The following TRIM5 variants were observed in gnomAD, a reference collection of about 807,000 sequenced individuals.
TRIM5 encodes tripartite motif-containing protein 5.
In TRIM5, 31 loss-of-function variants were observed where a neutral mutation model predicts 35.6. That is an observed-to-expected ratio of 0.87 (90% confidence interval 0.65 to 1.18). The LOEUF is 1.18. Ranked by LOEUF, TRIM5 falls within the 50% of genes most tolerant of loss-of-function variation. The probability of loss-of-function intolerance (pLI) is 0.00; values close to 1 mark genes in which losing one functional copy is unlikely to be tolerated. For missense variants in TRIM5, 609 were observed against 591.6 expected, an observed-to-expected ratio of 1.03 and a Z score of -0.31; for synonymous variants, 243 against 215.6, an observed-to-expected ratio of 1.13 and a Z score of -1.11.
intron 1 of TRIM5, chr11:5,684,269 TC>T (rs1247609033): frequency 2.0e-5 from 3 of 152,442 alleles, no homozygotes; most frequent in Non-Finnish European, 4.4e-5. Context: ...CGTACTCAGT[TC>T]TTTTAAAGCC....
the TRIM5 span, chr11:5,645,878 A>T: frequency 5.5e-3 from 822 of 149,344 alleles, 5 homozygotes; most frequent in Admixed American, 8.1e-3. Flanking sequence ...AAAAAAAAAA[A>T]AAATATATAT....
chr11:5,638,642 G>A, the TRIM5 span, among the ~76,000 whole-genome samples: 1 of 152,224 alleles, frequency 6.6e-6, no homozygotes, highest in African/African-American at 2.4e-5. Context: ...GGGACTGAGT[G>A]AATATTGATA....
At chr11:5,628,475 A>T in the TRIM5 span, among the ~76,000 whole-genome samples, 6 of 152,184 alleles carry the variant, frequency 3.9e-5, no homozygotes, top group Non-Finnish European at 8.8e-5. Flanking sequence ...TAGTATCTGT[A>T]CCATTGGCTG....
chr11:5,647,875 G>A, the TRIM5 span, among the ~76,000 whole-genome samples: 1 of 152,092 alleles, frequency 6.6e-6, no homozygotes. Flanking sequence ...CAATGGTGAT[G>A]TCACGGGGGT....
the TRIM5 span, among the ~76,000 whole-genome samples, chr11:5,620,873 A>G: frequency 6.6e-6 from 1 of 152,222 alleles, no homozygotes; most frequent in Non-Finnish European, 1.5e-5. Flanking sequence ...GTGTTCACAT[A>G]GTATATATGG....
chr11:5,671,321 A>G (rs2342388), intron 4 of TRIM5, among the ~76,000 whole-genome samples: 4,467 of 151,534 alleles, frequency 0.029, 145 homozygotes, highest in African/African-American at 0.08. Flanking sequence ...AAAACACAAA[A>G]AAACCCCACA....
At chr11:5,667,060 T>C (rs897315475) in intron 5 of TRIM5, among the ~76,000 whole-genome samples, 20 of 152,096 alleles carry the variant, frequency 1.3e-4, no homozygotes, top group African/African-American at 4.6e-4. Context: ...GAACTAGATG[T>C]AGGTAATAAA....
chr11:5,595,259 T>C, the TRIM5 span: 1 of 152,212 alleles, frequency 6.6e-6, no homozygotes. Flanking sequence ...GGAGGAACTT[T>C]GACATTCTTT....
At position 5,666,737 on chromosome 11, in the gene TRIM5, C is replaced by T. The variant is rs140174112; in HGVS notation, c.768-656G>A. ...GGTTAGAAAGAACTTGATACCACCA[C>T]GTAGGTGTGCGAGGTGTGCGATTTT... On this transcript the variant is annotated intron_variant, in intron 5 of 7. Coordinates refer to ENST00000380034, the MANE Select transcript of TRIM5 (RefSeq NM_033034.3). 9.3e-4 allele frequency among the ~76,000 whole-genome samples: 141 copies of T among 152,312 alleles called. 3 individuals carry two copies. The East Asian group carries it at 0.026, about 28-fold the overall frequency.
At chr11:5,677,697 G>A (rs1265093582) in intron 4 of TRIM5, among the ~76,000 whole-genome samples, 1 of 152,148 alleles carries the variant, frequency 6.6e-6, no homozygotes, top group Non-Finnish European at 1.5e-5. Flanking sequence ...CCAAAGTGCT[G>A]GGATTACAGG....
chr11:5,647,553 C>A, the TRIM5 span, among the ~76,000 whole-genome samples: 1 of 152,236 alleles, frequency 6.6e-6, no homozygotes, highest in Non-Finnish European at 1.5e-5. Context: ...GACAAAGTCT[C>A]ACTCTGTTAC....
At chr11:5,603,811 C>T in the TRIM5 span, 1 of 1,544,968 alleles carries the variant, frequency 6.5e-7, no homozygotes, top group Admixed American at 2.0e-5. Context: ...ATGCTCTGAT[C>T]TAATCTCTTT....
the TRIM5 span, among the ~76,000 whole-genome samples, chr11:5,655,985 C>T: frequency 5.7e-4 from 86 of 152,192 alleles, no homozygotes; most frequent in African/African-American, 2.0e-3. Context: ...CTTCCTTACA[C>T]CTTATAGAAA....
chr11:5,593,517 A>G, the TRIM5 span, among the ~76,000 whole-genome samples: 19 of 151,948 alleles, frequency 1.3e-4, no homozygotes, highest in African/African-American at 3.9e-4. Context: ...CAGAAAATCT[A>G]TCTCCTGAGT....
the TRIM5 span, among the ~76,000 whole-genome samples, chr11:5,617,198 A>T: frequency 6.9e-6 from 1 of 145,028 alleles, no homozygotes; most frequent in Non-Finnish European, 1.5e-5. Flanking sequence ...AGGGAAATGG[A>T]GTCTATTTTG....
the TRIM5 span, among the ~76,000 whole-genome samples, chr11:5,628,882 C>A: frequency 2.3e-3 from 352 of 151,856 alleles, no homozygotes; most frequent in African/African-American, 7.9e-3. Flanking sequence ...TTCTAGCAAA[C>A]CTCGGCATTC....
chr11:5,658,053 C>T, the TRIM5 span, among the ~76,000 whole-genome samples: 7 of 152,108 alleles, frequency 4.6e-5, no homozygotes, highest in African/African-American at 1.7e-4. Flanking sequence ...GGGGCCTGGG[C>T]CCACAGACTT....
the TRIM5 span, among the ~76,000 whole-genome samples, chr11:5,618,274 G>A: frequency 0.41 from 62,722 of 151,954 alleles, 13,456 homozygotes; most frequent in East Asian, 0.75. Flanking sequence ...GGAGGCTGAG[G>A]CAGGGGAATC....
the TRIM5 span, chr11:5,608,335 G>A: frequency 6.2e-7 from 1 of 1,612,546 alleles, no homozygotes; most frequent in Non-Finnish European, 8.5e-7. Flanking sequence ...GGCATGACCT[G>A]TTACTCCTTG....
Sources: allele counts gnomAD v4.1 joint callset (sites outside exome capture counted in the v4.1 genomes callset), GRCh38; gene constraint gnomAD v4.1.1; transcripts MANE v1.5; gene names NCBI Gene and HGNC (gene_info 2026-07-23, HGNC 2026-07-21).